The following C14orf132 variants were observed in gnomAD, a reference collection of about 807,000 sequenced individuals.
The protein encoded by C14orf132 is uncharacterized protein C14orf132.
In C14orf132, 6 loss-of-function variants were observed where a neutral mutation model predicts 5.8. The observed-to-expected ratio is 1.03, with a 90% CI of 0.57 to 2.04. The LOEUF is 2.04. C14orf132 is among the 30% of genes most tolerant of loss of function. The probability of loss-of-function intolerance (pLI) is 0.00; values close to 1 mark genes in which losing one functional copy is unlikely to be tolerated. For missense variants in C14orf132, 125 were observed against 115.8 expected, an observed-to-expected ratio of 1.08 and a Z score of -0.37; for synonymous variants, 51 against 49.8, an observed-to-expected ratio of 1.02 and a Z score of -0.10.
chr14:96,060,134 C>T (rs942210), intron 1 of C14orf132, among the ~76,000 whole-genome samples: 89,111 of 152,030 alleles, frequency 0.59, 26,692 homozygotes, highest in East Asian at 0.72. Context: ...TGGCCAGTGC[C>T]CTTTTGTAGC....
At position 96,093,305 on chromosome 14, in the gene C14orf132, T is replaced by C. The variant is rs910941334; in HGVS notation, c.*6570T>C. 2.6e-5 allele frequency: 4 copies of C among 152,216 alleles called. No individual in the cohort carries two copies. The highest frequency in any genetic ancestry group is 9.6e-5 in the African/African-American group (4 of 41,454). The allele number at this position is 152,216 out of a possible 1,614,324, so 9.4% of individuals were successfully genotyped here. ...GAACTTTTCCCTACCCTTAACTTTG[T>C]GTCTCTGGGACCTCCAGGGACCTGG... On this transcript the variant is annotated 3_prime_UTR_variant, in exon 2 of 2. Coordinates refer to ENST00000555004, the MANE Select transcript of C14orf132 (RefSeq NM_001252507.3).
At chr14:96,051,520 A>T (rs570485982) in intron 1 of C14orf132, among the ~76,000 whole-genome samples, 2 of 152,178 alleles carry the variant, frequency 1.3e-5, no homozygotes, top group African/African-American at 4.8e-5. Flanking sequence ...CCCCTCATCC[A>T]TCTCCTCAGC....
At chr14:96,065,014 C>G (rs1318413241) in intron 1 of C14orf132, among the ~76,000 whole-genome samples, 3 of 152,110 alleles carry the variant, frequency 2.0e-5, no homozygotes, top group Non-Finnish European at 4.4e-5. Flanking sequence ...TCTTCCTAAC[C>G]CAGTGTGCTG....
At chr14:96,072,548 C>T (rs906476783) in intron 1 of C14orf132, among the ~76,000 whole-genome samples, 3 of 152,168 alleles carry the variant, frequency 2.0e-5, no homozygotes, top group Admixed American at 6.5e-5. Context: ...GGGGATGATA[C>T]GGTTCTCTAA....
chr14:96,052,864 C>A (rs1416997542), intron 1 of C14orf132, among the ~76,000 whole-genome samples: 3 of 152,174 alleles, frequency 2.0e-5, no homozygotes, highest in Non-Finnish European at 2.9e-5. Flanking sequence ...ACTCAGTTGA[C>A]TCAGGAGGAG....
chr14:96,048,613 C>G (rs914947812), intron 1 of C14orf132, among the ~76,000 whole-genome samples: 1 of 151,842 alleles, frequency 6.6e-6, no homozygotes, highest in Non-Finnish European at 1.5e-5. Flanking sequence ...CAATCTCTGC[C>G]CCCCCGGGTT....
chr14:96,066,022 A>G (rs1206489032), intron 1 of C14orf132, among the ~76,000 whole-genome samples: 1 of 152,178 alleles, frequency 6.6e-6, no homozygotes, highest in African/African-American at 2.4e-5. Flanking sequence ...CTGAGCCAAC[A>G]GAGGCACAGC....
At position 96,090,759 on chromosome 14, in the gene C14orf132, C is replaced by T. The variant is rs934956437; in HGVS notation, c.*4024C>T. On this transcript the variant is annotated 3_prime_UTR_variant, in exon 2 of 2. Transcript: ENST00000555004. Reference sequence around the variant, plus strand: ...AAGGCAGCAGATGCTTTTCCAGCCCCGGTTCAGCTGGAAGGCTTGGAGGCT... The same window carrying T: ...AAGGCAGCAGATGCTTTTCCAGCCCTGGTTCAGCTGGAAGGCTTGGAGGCT... 1.5e-5 allele frequency: 7 copies of T among 455,900 alleles called. No individual in the cohort carries two copies. The highest frequency in any genetic ancestry group is 6.9e-5 in the East Asian group (1 of 14,392). 28.2% of individuals were successfully genotyped at this position (455,900 alleles called of 1,614,324 possible).
Position 96,088,182 on chromosome 14 carries a change from C to T in C14orf132, c.*1447C>T, listed in dbSNP as rs889391850. ...ACAATTACAAGAAAGCTGGACTTGC[C>T]GCTGTGGTCTCAGGAGAAATGAGTG... On this transcript the variant is annotated 3_prime_UTR_variant, in exon 2 of 2. Transcript: ENST00000555004. 2.6e-5 allele frequency: 4 copies of T among 152,166 alleles called. No homozygotes were observed. The highest frequency in any genetic ancestry group is 9.7e-5 in the African/African-American group (4 of 41,432). 9.4% of individuals were successfully genotyped at this position (152,166 alleles called of 1,614,324 possible).
intron 1 of C14orf132, among the ~76,000 whole-genome samples, chr14:96,066,667 C>T (rs1447735519): frequency 6.6e-6 from 1 of 152,044 alleles, no homozygotes. Flanking sequence ...AGACTCAACC[C>T]GTATCCTACA....
Position 96,039,450 on chromosome 14 carries a change from C to CGCACCG in C14orf132, c.-48_-47insCCGGCA. ...CCGCCAACTGTGCAGGCGGCTGACCCGCAGCGGCAGCGGCAGCAGCGAGGA... is the reference window on the plus strand; with the variant it reads ...CCGCCAACTGTGCAGGCGGCTGACCCGCACCGGCAGCGGCAGCGGCAGCAGCGAGGA... On this transcript the variant is annotated 5_prime_UTR_variant, in exon 1 of 2. Coordinates refer to ENST00000555004, the MANE Select transcript of C14orf132 (RefSeq NM_001252507.3). This position sits in a 1 kb window ranked among gnomAD's most constrained non-coding sequence, Gnocchi z 5.3. 1 of 1,476,994 alleles carries CGCACCG rather than the reference C, an allele frequency of 6.8e-7. No individual in the cohort carries two copies. The highest frequency in any genetic ancestry group is 1.3e-5 in the South Asian group (1 of 77,272). 91.5% of individuals were successfully genotyped at this position (1,476,994 alleles called of 1,614,324 possible). A position where few individuals can be genotyped will look rare whatever the true frequency, so the allele number is the denominator to read the frequency against.
chr14:96,047,778 T>C (rs1886872379), intron 1 of C14orf132, among the ~76,000 whole-genome samples: 1 of 152,178 alleles, frequency 6.6e-6, no homozygotes. Context: ...GAGGAGGGCA[T>C]AGAGATTTCT....
rs563709079 is a variant in C14orf132 at position 96,076,490 on chromosome 14, C to G, written c.28-10021C>G. ...GGTTTAATTTAATCTTCCCCTCTTC[C>G]TAATTTCTTAAGGTATAGTTTAGAT... On this transcript the variant is annotated intron_variant, in intron 1 of 1. Coordinates refer to ENST00000555004, the MANE Select transcript of C14orf132 (RefSeq NM_001252507.3). Among the ~76,000 whole-genome samples, 117 of 152,082 alleles carry G rather than the reference C, an allele frequency of 7.7e-4. 2 individuals carry two copies. Among genetic ancestry groups the G allele is most frequent in the Non-Finnish European group, 5.1e-4 (35 of 68,004 alleles).
chr14:96,088,884 G>T lies in C14orf132; in HGVS notation c.*2149G>T, dbSNP rs938029130. The T allele has an allele frequency of 6.6e-6, 1 of 152,314 alleles. No individual in the cohort carries two copies. Among genetic ancestry groups the T allele is most frequent in the Non-Finnish European group, 1.5e-5 (1 of 68,088 alleles). 9.4% of individuals were successfully genotyped at this position (152,314 alleles called of 1,614,324 possible). On this transcript the variant is annotated 3_prime_UTR_variant, in exon 2 of 2. Transcript: ENST00000555004. Reference sequence around the variant, plus strand: ...AGGACTCCAGCATCCCAGGCACCGGGTGCTTCTGGCTGCAGTTTTCCCTAT... The same window carrying T: ...AGGACTCCAGCATCCCAGGCACCGGTTGCTTCTGGCTGCAGTTTTCCCTAT...
chr14:96,091,608 C>A lies in C14orf132; in HGVS notation c.*4873C>A, dbSNP rs1888408681. 1 of 154,654 alleles carries A rather than the reference C, an allele frequency of 6.5e-6. No individual in the cohort carries two copies. Among genetic ancestry groups the A allele is most frequent in the African/African-American group, 2.4e-5 (1 of 41,442 alleles). 9.6% of individuals were successfully genotyped at this position (154,654 alleles called of 1,614,324 possible). On this transcript the variant is annotated 3_prime_UTR_variant, in exon 2 of 2. Transcript: ENST00000555004. ...TCCTGGCAGATGCCCAGTGATTGTC[C>A]CCGAGCAAGTGCCAGGGTTGGGCTG...
At chr14:96,073,759 T>A (rs1023434240) in intron 1 of C14orf132, among the ~76,000 whole-genome samples, 1 of 152,174 alleles carries the variant, frequency 6.6e-6, no homozygotes, top group African/African-American at 2.4e-5. Context: ...TGCAGCACTA[T>A]TCACAAGAGC....
rs1487112720 is a variant in C14orf132 at position 96,039,656 on chromosome 14, C to G, written c.27+129C>G. On this transcript the variant is annotated intron_variant, in intron 1 of 1. Coordinates refer to ENST00000555004, the MANE Select transcript of C14orf132 (RefSeq NM_001252507.3). This position sits in a 1 kb window ranked among gnomAD's most constrained non-coding sequence, Gnocchi z 5.3. Reference sequence around the variant, plus strand: ...CGATCCGCGTCCCGGTCCTTTGTCCCGAGCCGGACACCCCCACTTGGTGCA... The same window carrying G: ...CGATCCGCGTCCCGGTCCTTTGTCCGGAGCCGGACACCCCCACTTGGTGCA... 2.0e-6 allele frequency: 2 copies of G among 988,902 alleles called. No homozygotes were observed. The highest frequency in any genetic ancestry group is 2.7e-6 in the Non-Finnish European group (2 of 739,026). 61.3% of individuals were successfully genotyped at this position (988,902 alleles called of 1,614,324 possible).
Position 96,089,126 on chromosome 14 carries a change from A to C in C14orf132, c.*2391A>C, listed in dbSNP as rs1390209583. 6.6e-6 allele frequency: 1 copy of C among 152,196 alleles called. No individual in the cohort carries two copies. The highest frequency in any genetic ancestry group is 6.5e-5 in the Admixed American group (1 of 15,288). The allele number at this position is 152,196 out of a possible 1,614,324, so 9.4% of individuals were successfully genotyped here. On this transcript the variant is annotated 3_prime_UTR_variant, in exon 2 of 2. Coordinates refer to ENST00000555004, the MANE Select transcript of C14orf132 (RefSeq NM_001252507.3). ...TTTTTACCAGCATCTCTCAAATAAC[A>C]ATGAAGATAGATATGCCCATTAGTG... is the stretch of plus-strand genomic sequence containing the variant.
rs575318529 is a variant in C14orf132 at position 96,088,824 on chromosome 14, G to A, written c.*2089G>A. On this transcript the variant is annotated 3_prime_UTR_variant, in exon 2 of 2. Transcript: ENST00000555004. ...GTTTGCTGCGGTGAAGGGAGGAGAA[G>A]GCAGGAGGAAAAAGGATGGCTTCTA... The A allele has an allele frequency of 6.6e-6, 1 of 152,422 alleles. No individual in the cohort carries two copies. Among genetic ancestry groups the A allele is most frequent in the African/African-American group, 2.4e-5 (1 of 41,594 alleles). 9.4% of individuals were successfully genotyped at this position (152,422 alleles called of 1,614,324 possible).
Sources: allele counts gnomAD v4.1 joint callset (sites outside exome capture counted in the v4.1 genomes callset), GRCh38; gene constraint gnomAD v4.1.1; non-coding constraint Gnocchi (gnomAD v3.1); transcripts MANE v1.5; gene names NCBI Gene and HGNC (gene_info 2026-07-23, HGNC 2026-07-21).